The following MAP2 variants were observed in gnomAD, a reference collection of about 807,000 sequenced individuals.
MAP2 encodes microtubule-associated protein 2.
In MAP2, 14 loss-of-function variants were observed where a neutral mutation model predicts 137.6. The observed-to-expected ratio is 0.10, with a 90% CI of 0.07 to 0.16. The LOEUF is 0.16. Ranked by LOEUF, MAP2 falls within the 10% of genes least tolerant of loss-of-function variation. MAP2 has a pLI of 1.00. For missense variants in MAP2, 2,088 were observed against 2,191.5 expected, an observed-to-expected ratio of 0.95 and a Z score of 0.94; for synonymous variants, 786 against 782.3, an observed-to-expected ratio of 1.00 and a Z score of -0.08.
At chr2:209,528,523 C>T (rs898303872) in intron 2 of MAP2, among the ~76,000 whole-genome samples, 1 of 151,926 alleles carries the variant, frequency 6.6e-6, no homozygotes, top group Non-Finnish European at 1.5e-5. Flanking sequence ...GAAAATATTT[C>T]AGTTGCCACA....
intron 12 of MAP2, among the ~76,000 whole-genome samples, chr2:209,706,043 G>A (rs1214071457): frequency 1.3e-5 from 2 of 152,028 alleles, no homozygotes; most frequent in Admixed American, 6.6e-5. Flanking sequence ...AATCAATGTA[G>A]AAACCAAGTC....
chr2:209,596,133 T>G (rs570135385), intron 3 of MAP2, among the ~76,000 whole-genome samples: 2 of 151,188 alleles, frequency 1.3e-5, no homozygotes, highest in African/African-American at 4.9e-5. Context: ...AAAAAGAAAA[T>G]AAAAATAACA....
chr2:209,655,222 T>G (rs1485630992), intron 5 of MAP2, among the ~76,000 whole-genome samples: 1 of 152,238 alleles, frequency 6.6e-6, no homozygotes, highest in Admixed American at 6.5e-5. Flanking sequence ...CAGCTCAATG[T>G]GTATCAAACA....
rs951374858 is a variant in MAP2, at chr2:209,509,714, C to T, written c.-172+2073C>T. Among the ~76,000 whole-genome samples the T allele has an allele frequency of 2.7e-4, 41 of 151,696 alleles. 1 individual carries two copies. The highest frequency in any genetic ancestry group is 3.2e-3 in the Middle Eastern group (1 of 314). On this transcript the variant is annotated intron_variant, in intron 2 of 15. Coordinates refer to ENST00000682079, the MANE Select transcript of MAP2 (RefSeq NM_001375505.1). ...TGGTTTAAAATAAAAGAGTTTCCCT[C>T]ACAGAAAAAGCATGTTTATCTGTAA...
At chr2:209,609,772 C>T (rs2086181600) in intron 3 of MAP2, among the ~76,000 whole-genome samples, 1 of 151,954 alleles carries the variant, frequency 6.6e-6, no homozygotes, top group Admixed American at 6.6e-5. Flanking sequence ...GAAAGGAAAC[C>T]CTGTGGTTAT....
intron 2 of MAP2, among the ~76,000 whole-genome samples, chr2:209,512,831 A>G (rs1304817460): frequency 6.6e-6 from 1 of 151,958 alleles, no homozygotes; most frequent in African/African-American, 2.4e-5. Flanking sequence ...TATGCCTTTT[A>G]TACAGACAGG....
intron 3 of MAP2, among the ~76,000 whole-genome samples, chr2:209,622,558 T>C (rs912032350): frequency 2.6e-5 from 4 of 152,230 alleles, no homozygotes; most frequent in African/African-American, 9.6e-5. Flanking sequence ...AAATTATGTA[T>C]AAATGTTTGC....
Position 209,695,885 on chromosome 2 carries a change from A to C in MAP2, c.3715A>C (p.Ile1239Leu), listed in dbSNP as rs1433090066. ...AGAGATTCAGAGTGAGGAAGAAGAG[A>C]TAGAAGCCCAGGGAGAATATGATAA... ...PAEIQSEEEE[I>L]EAQGEYDKLL... The change falls in exon 8 of 16, where the codon ATA (isoleucine) becomes CTA (leucine). Residue 1239 changes from isoleucine (I) to leucine (L), a missense_variant. By Grantham distance (5) the Ile-to-Leu change is conservative (BLOSUM62 2). Around this residue, in one of 6 missense-constraint regions of MAP2, gnomAD observed 591 missense variants for 642.6 expected, o/e 0.92. Coordinates refer to ENST00000682079, the MANE Select transcript of MAP2 (RefSeq NM_001375505.1). The C allele has an allele frequency of 6.2e-7, 1 of 1,614,084 alleles. No individual in the cohort carries two copies. Among genetic ancestry groups the C allele is most frequent in the African/African-American group, 1.3e-5 (1 of 75,036 alleles).
chr2:209,473,683 G>A (rs1706400900), intron 1 of MAP2, among the ~76,000 whole-genome samples: 1 of 151,880 alleles, frequency 6.6e-6, no homozygotes, highest in African/African-American at 2.4e-5. Context: ...AAAGTTACAG[G>A]AATTATTAAT....
chr2:209,498,800 C>T (rs549835539), intron 1 of MAP2, among the ~76,000 whole-genome samples: 2 of 152,310 alleles, frequency 1.3e-5, no homozygotes, highest in African/African-American at 4.8e-5. Context: ...TAAGGCTGTG[C>T]CAGGCAATGG....
chr2:209,499,820 C>G (rs773361078), intron 1 of MAP2, among the ~76,000 whole-genome samples: 11 of 152,024 alleles, frequency 7.2e-5, no homozygotes, highest in Non-Finnish European at 1.6e-4. Context: ...GTGGCACACA[C>G]TTTTAAGTGA....
chr2:209,662,138 T>C lies in MAP2; in HGVS notation c.262+8706T>C, dbSNP rs2663657. ...CAAATTAAGGTATGATTTTATTCCT[T>C]GGAATTTTAATTGCCTACAAACACT... On this transcript the variant is annotated intron_variant, in intron 5 of 15. Transcript: ENST00000682079. 8.7e-3 allele frequency among the ~76,000 whole-genome samples: 1,331 copies of C among 152,340 alleles called. 16 individuals carry two copies. Among genetic ancestry groups the C allele is most frequent in the African/African-American group, 0.029 (1,191 of 41,572 alleles).
intron 3 of MAP2, among the ~76,000 whole-genome samples, chr2:209,609,198 C>A (rs576194487): frequency 1.1e-4 from 16 of 151,764 alleles, no homozygotes; most frequent in African/African-American, 3.6e-4. Flanking sequence ...TACATTTTCC[C>A]ATTGCTCAGG....
At position 209,490,605 on chromosome 2, in the gene MAP2, C is replaced by CAAAAAAAAAAAAA. The variant is rs59133937; in HGVS notation, c.-221-16969_-221-16957dup. On this transcript the variant is annotated intron_variant, in intron 1 of 15. Coordinates refer to ENST00000682079, the MANE Select transcript of MAP2 (RefSeq NM_001375505.1). ...GAAGATTTACCAAGCAAATGGAAAG[C>CAAAAAAAAAAAAA]AAAAAAAAAAAAAAAAAAAAAAAAA... Among the ~76,000 whole-genome samples the CAAAAAAAAAAAAA allele has an allele frequency of 1.4e-3, 8 of 5,562 alleles. 2 individuals are homozygous for CAAAAAAAAAAAAA. The highest frequency in any genetic ancestry group is 2.2e-3 in the African/African-American group (3 of 1,346). The allele number at this position is 5,562 out of a possible 152,430, so 3.6% of individuals were successfully genotyped here.
intron 5 of MAP2, among the ~76,000 whole-genome samples, chr2:209,676,796 T>A (rs1483426780): frequency 7.0e-6 from 1 of 142,414 alleles, no homozygotes; most frequent in Admixed American, 7.0e-5. Flanking sequence ...CCATGATTGT[T>A]CCACCTCTTT....
intron 1 of MAP2, among the ~76,000 whole-genome samples, chr2:209,482,431 T>G (rs2057837928): frequency 6.6e-6 from 1 of 152,190 alleles, no homozygotes; most frequent in South Asian, 2.1e-4. Flanking sequence ...TTCAGTTAAT[T>G]CAGTTAATTT....
At chr2:209,485,147 G>A (rs2058220608) in intron 1 of MAP2, among the ~76,000 whole-genome samples, 1 of 152,178 alleles carries the variant, frequency 6.6e-6, no homozygotes. Context: ...GAGGTGACGG[G>A]CTGACCTTCT....
intron 2 of MAP2, among the ~76,000 whole-genome samples, chr2:209,578,556 C>CTT (rs2075723401): frequency 2.0e-5 from 3 of 151,946 alleles, no homozygotes; most frequent in Admixed American, 1.3e-4. Context: ...TCCCAGCAAC[C>CTT]TTCTTCACAG....
chr2:209,612,133 C>A (rs1049863408), intron 3 of MAP2, among the ~76,000 whole-genome samples: 21 of 152,078 alleles, frequency 1.4e-4, no homozygotes, highest in African/African-American at 5.1e-4. Context: ...CATGCAGCGC[C>A]TTTATTGGGC....
Sources: gnomAD v4.1 joint callset for allele counts (sites outside exome capture counted in the v4.1 genomes callset) on GRCh38, gnomAD v4.1.1 for gene constraint, gnomAD v4.1.1 regional missense constraint, MANE v1.5 for transcripts, NCBI Gene and HGNC (gene_info 2026-07-23, HGNC 2026-07-21) for gene names.